ZCWPW2: variants seen among roughly 807,000 people sequenced by gnomAD.
The protein encoded by ZCWPW2 is zinc finger CW-type PWWP domain protein 2.
A neutral mutation model predicts 46.6 loss-of-function variants in ZCWPW2; 45 were observed. That is an observed-to-expected ratio of 0.96 (90% CI 0.76 to 1.24). The LOEUF (loss-of-function observed/expected upper bound fraction) is 1.24, where lower values mean the gene tolerates loss of function less well. Among genes scored for constraint, ZCWPW2 ranks in the 50% most tolerant of loss-of-function variants. ZCWPW2 has a pLI of 0.00. For synonymous variants in ZCWPW2, 152 were observed against 137.1 expected, an observed-to-expected ratio of 1.11 and a Z score of -0.76; for missense variants, 429 against 403.9, an observed-to-expected ratio of 1.06 and a Z score of -0.53.
rs181581777 is a variant in ZCWPW2 at position 28,422,787 on chromosome 3, T to G, written c.332+9387T>G. Among the ~76,000 whole-genome samples the G allele has an allele frequency of 3.1e-3, 474 of 152,150 alleles. 2 individuals carry two copies. Among genetic ancestry groups the G allele is most frequent in the African/African-American group, 9.9e-3 (411 of 41,532 alleles). ...TGAGTATGTGTGTGTGTGTGTGTTT[T>G]TTTTTAAGAAAATGCTAAACTGTCT... On this transcript the variant is annotated intron_variant, in intron 3 of 9. Coordinates refer to ENST00000383768, the MANE Select transcript of ZCWPW2 (RefSeq NM_001040432.4).
chr3:28,372,392 ATGT>A (rs1705365227), intron 1 of ZCWPW2, among the ~76,000 whole-genome samples: 2 of 152,200 alleles, frequency 1.3e-5, no homozygotes, highest in South Asian at 4.1e-4. Flanking sequence ...AAATCATGAA[ATGT>A]TAACAGCCCA....
In ZCWPW2 at chr3:28,349,142, C is replaced by A. The variant is rs1253607902; in HGVS notation, c.-195C>A. The A allele has an allele frequency of 4.1e-6, 4 of 985,476 alleles. No homozygotes were observed. Among genetic ancestry groups the A allele is most frequent in the South Asian group, 9.4e-5 (2 of 21,298 alleles). 61.0% of individuals were successfully genotyped at this position (985,476 alleles called of 1,614,324 possible). ...CGCGGCGTACTACATGTCCCGTGAGCCTCCGCGGCGGGACGGGGCGGGGCC... is the reference window on the plus strand; with the variant it reads ...CGCGGCGTACTACATGTCCCGTGAGACTCCGCGGCGGGACGGGGCGGGGCC... On this transcript the variant is annotated 5_prime_UTR_variant, in exon 1 of 10. Transcript: ENST00000383768.
At chr3:28,421,834 T>TGTGTGTG (rs1696804171) in intron 3 of ZCWPW2, among the ~76,000 whole-genome samples, 1 of 133,838 alleles carries the variant, frequency 7.5e-6, no homozygotes, top group African/African-American at 2.8e-5. Flanking sequence ...GGAGAATAGT[T>TGTGTGTG]TGTGTGTGTG....
At chr3:28,429,260 C>G (rs1200147610) in intron 3 of ZCWPW2, among the ~76,000 whole-genome samples, 1 of 152,132 alleles carries the variant, frequency 6.6e-6, no homozygotes, top group African/African-American at 2.4e-5. Context: ...AAAGGTGACT[C>G]TTACTATGCC....
intron 1 of ZCWPW2, among the ~76,000 whole-genome samples, chr3:28,368,962 G>A (rs1287295325): frequency 3.3e-5 from 5 of 152,070 alleles, no homozygotes; most frequent in Non-Finnish European, 7.4e-5. Flanking sequence ...GGCTACTGAG[G>A]CTTGTGCATT....
chr3:28,365,416 T>G (rs1453942134), intron 1 of ZCWPW2, among the ~76,000 whole-genome samples: 1 of 141,408 alleles, frequency 7.1e-6, no homozygotes, highest in East Asian at 2.0e-4. Flanking sequence ...CGTTTCCCCA[T>G]TGCTTGTTTT....
At chr3:28,376,725 G>A (rs1167129801) in intron 1 of ZCWPW2, among the ~76,000 whole-genome samples, 1 of 152,088 alleles carries the variant, frequency 6.6e-6, no homozygotes, top group East Asian at 1.9e-4. Context: ...AGTGAAGCTT[G>A]ATTCCTTGTA....
intron 4 of ZCWPW2, among the ~76,000 whole-genome samples, chr3:28,474,624 C>A (rs60550165): frequency 1.9e-5 from 2 of 104,892 alleles, no homozygotes; most frequent in East Asian, 2.6e-4. Flanking sequence ...TGTGTGTGCG[C>A]GCGCGCGCGC....
intron 8 of ZCWPW2, among the ~76,000 whole-genome samples, chr3:28,516,255 C>CAATAAATAAATAAATA (rs56931163): frequency 1.3e-4 from 18 of 140,126 alleles, no homozygotes; most frequent in Non-Finnish European, 2.1e-4. Context: ...GATTCCCTCT[C>CAATAAATAAATAAATA]AATAAATAAA....
intron 6 of ZCWPW2, among the ~76,000 whole-genome samples, chr3:28,512,455 G>C (rs1219962340): frequency 6.6e-6 from 1 of 151,700 alleles, no homozygotes; most frequent in Non-Finnish European, 1.5e-5. Flanking sequence ...AAAGTGCTGG[G>C]ATTACAGGTG....
chr3:28,399,064 C>T (rs1056250162), intron 2 of ZCWPW2, among the ~76,000 whole-genome samples: 22 of 152,166 alleles, frequency 1.4e-4, no homozygotes, highest in African/African-American at 5.3e-4. Flanking sequence ...CATTTGCCCA[C>T]TGCCTGGAAA....
chr3:28,423,362 C>CT (rs1168607790), intron 3 of ZCWPW2, among the ~76,000 whole-genome samples: 1,546 of 110,832 alleles, frequency 0.014, 37 homozygotes, highest in African/African-American at 0.017. Context: ...TGTGAGCTAT[C>CT]TTTTTTTTTT....
chr3:28,495,659 T>A (rs1270960336), intron 6 of ZCWPW2, among the ~76,000 whole-genome samples: 5 of 152,068 alleles, frequency 3.3e-5, no homozygotes, highest in Non-Finnish European at 5.9e-5. Context: ...GGAGCTTGTA[T>A]TTTTTAATAT....
intron 3 of ZCWPW2, among the ~76,000 whole-genome samples, chr3:28,420,566 T>G (rs1332655546): frequency 2.0e-5 from 3 of 151,784 alleles, no homozygotes; most frequent in Non-Finnish European, 4.4e-5. Context: ...TTTTTAGTTT[T>G]TAATTATACT....
intron 2 of ZCWPW2, among the ~76,000 whole-genome samples, chr3:28,394,479 A>G (rs1695618991): frequency 6.6e-6 from 1 of 152,122 alleles, no homozygotes; most frequent in Admixed American, 6.5e-5. Context: ...AATCTTGATC[A>G]AGAAGAACAA....
chr3:28,362,298 CATATT>C (rs1419470181), intron 1 of ZCWPW2, among the ~76,000 whole-genome samples: 1 of 147,162 alleles, frequency 6.8e-6, no homozygotes, highest in Non-Finnish European at 1.5e-5. Flanking sequence ...GAATAGGTTT[CATATT>C]ATATTATTAA....
rs1700804751 is a variant in ZCWPW2, at chr3:28,524,563, C to A, written c.946C>A (p.Leu316Met). The change falls in exon 10 of 10, where the codon CTG becomes ATG. Residue 316 changes from leucine to methionine, a missense_variant. Leu to Met is a conservative substitution (Grantham distance 15). Coordinates refer to ENST00000383768, the MANE Select transcript of ZCWPW2 (RefSeq NM_001040432.4). ...KCSPEAPAGS[L>M]FENHYEEDYL... ...CAGCCCAGAAGCTCCTGCAGGCAGT[C>A]TGTTTGAAAACCACTATGAAGAGGA... The A allele has an allele frequency of 3.7e-6, 6 of 1,606,648 alleles. No homozygotes were observed. In the East Asian group the frequency reaches 1.3e-4, roughly 36 times the overall value.
intron 9 of ZCWPW2, among the ~76,000 whole-genome samples, 199 bp from the exon 10 acceptor site, chr3:28,524,328 C>T (rs1403655429): frequency 6.6e-6 from 1 of 151,984 alleles, no homozygotes; most frequent in African/African-American, 2.4e-5. Context: ...GGGGAATAGA[C>T]ACAGACCTAA....
rs143267503 is a variant in ZCWPW2 at position 28,502,949 on chromosome 3, C to T, written c.657+10776C>T. ...CTAGTCGTTTAAAACTTGTTTTCAT[C>T]CTTATTACTAAAAAGCAAACCCAAA... On this transcript the variant is annotated intron_variant, in intron 6 of 9. Coordinates refer to ENST00000383768, the MANE Select transcript of ZCWPW2 (RefSeq NM_001040432.4). Among the ~76,000 whole-genome samples, 299 of 152,176 alleles carry T rather than the reference C, an allele frequency of 2.0e-3. 1 individual carries two copies. Among genetic ancestry groups the T allele is most frequent in the African/African-American group, 6.7e-3 (277 of 41,524 alleles).
Sources: gnomAD v4.1 joint callset for allele counts (sites outside exome capture counted in the v4.1 genomes callset) on GRCh38, gnomAD v4.1.1 for gene constraint, MANE v1.5 for transcripts, NCBI Gene and HGNC (gene_info 2026-07-23, HGNC 2026-07-21) for gene names.